Variants in PPP2R5A observed in about 807,000 individuals in gnomAD.
PPP2R5A encodes the protein protein phosphatase 2 regulatory subunit B'alpha, also known as serine/threonine-protein phosphatase 2A 56 kDa regulatory subunit alpha isoform.
A neutral mutation model predicts 64.2 loss-of-function variants in PPP2R5A; 25 were observed. The ratio of observed to expected loss-of-function variants is 0.39; its 90% CI spans 0.28 to 0.54. The LOEUF is 0.54. Among genes scored for constraint, PPP2R5A ranks in the 20% least tolerant of loss-of-function variants. PPP2R5A has a pLI of 0.67. For missense variants in PPP2R5A, 425 were observed against 576.3 expected (o/e 0.74, Z 2.69); for synonymous variants, 198 against 201.2 (o/e 0.98, Z 0.13).
intron 1 of PPP2R5A, among the ~76,000 whole-genome samples, chr1:212,320,728 A>G: frequency 2.2e-5 from 3 of 135,512 alleles, no homozygotes; most frequent in East Asian, 2.6e-4. Context: ...CTGGCCGGGC[A>G]GAGGGGCTCC....
chr1:212,287,118 C>T (rs1232792907), intron 1 of PPP2R5A, among the ~76,000 whole-genome samples: 1 of 152,154 alleles, frequency 6.6e-6, no homozygotes, highest in African/African-American at 2.4e-5. Flanking sequence ...TAATGCCTTG[C>T]AGGAGAACTT....
intron 1 of PPP2R5A, among the ~76,000 whole-genome samples, chr1:212,291,451 T>C (rs1043621486): frequency 1.3e-5 from 2 of 152,192 alleles, no homozygotes; most frequent in African/African-American, 4.8e-5. Flanking sequence ...CCCTAAGAGA[T>C]TGTAAATTAA....
chr1:212,322,232 GGGA>G (rs1451780903), intron 1 of PPP2R5A, among the ~76,000 whole-genome samples: 16 of 140,370 alleles, frequency 1.1e-4, no homozygotes, highest in Admixed American at 5.6e-4. Context: ...GAGAGGGAGA[GGGA>G]GAGGGAGAGG....
At position 212,360,909 on chromosome 1, in the gene PPP2R5A, T is replaced by C. The variant is rs1341121409; in HGVS notation, c.*139T>C. 2.0e-5 allele frequency: 15 copies of C among 736,364 alleles called. No homozygotes were observed. The highest frequency in any genetic ancestry group is 9.2e-5 in the African/African-American group (5 of 54,092). The allele number at this position is 736,364 out of a possible 1,614,324, so 45.6% of individuals were successfully genotyped here. ...TCTGGCAACTGTAAATGGAAAAATA[T>C]ATGGACTAAACGTAGCCCTGTGCTG... On this transcript the variant is annotated 3_prime_UTR_variant, in exon 13 of 13. Coordinates refer to ENST00000261461, the MANE Select transcript of PPP2R5A (RefSeq NM_006243.4).
intron 1 of PPP2R5A, among the ~76,000 whole-genome samples, chr1:212,316,481 A>G (rs1659154741): frequency 6.6e-6 from 1 of 151,790 alleles, no homozygotes. Flanking sequence ...TTGACTAGTT[A>G]CAGAGTTCTA....
intron 6 of PPP2R5A, 128 bp from the exon 7 acceptor site, chr1:212,348,261 G>A: frequency 1.5e-6 from 1 of 645,334 alleles, no homozygotes; most frequent in Non-Finnish European, 2.7e-6. Context: ...AAAGTAGTTT[G>A]AAGATGAGCA....
At chr1:212,320,801 C>T (rs1435168982) in intron 1 of PPP2R5A, among the ~76,000 whole-genome samples, 9 of 135,440 alleles carry the variant, frequency 6.6e-5, no homozygotes, top group African/African-American at 2.5e-4. Context: ...TGCGGCTGGC[C>T]GGGCGGGGGG....
intron 5 of PPP2R5A, among the ~76,000 whole-genome samples, chr1:212,346,683 T>G (rs565771059): frequency 6.6e-6 from 1 of 152,344 alleles, no homozygotes; most frequent in South Asian, 2.1e-4. Flanking sequence ...AAGTAGTTGC[T>G]TCAGATCAGG....
chr1:212,312,058 C>A (rs548258901), intron 1 of PPP2R5A, among the ~76,000 whole-genome samples: 2 of 152,294 alleles, frequency 1.3e-5, no homozygotes, highest in South Asian at 4.2e-4. Flanking sequence ...CTTGTAAGCT[C>A]TATTCATGTT....
At chr1:212,297,723 T>A (rs1658724358) in intron 1 of PPP2R5A, 1 of 152,190 alleles carries the variant, frequency 6.6e-6, no homozygotes, top group Non-Finnish European at 1.5e-5. Context: ...TGTCCTCTCA[T>A]TTTTAGGTAA....
intron 6 of PPP2R5A, 36 bp downstream of exon 6, chr1:212,347,442 G>T (rs1249999726): frequency 1.4e-6 from 2 of 1,436,062 alleles, no homozygotes; most frequent in African/African-American, 2.9e-5. Context: ...TAAGAATTAA[G>T]TAAGTGAATG....
At chr1:212,344,200 C>T (rs1433610827) in intron 4 of PPP2R5A, among the ~76,000 whole-genome samples, 1 of 152,212 alleles carries the variant, frequency 6.6e-6, no homozygotes, top group Non-Finnish European at 1.5e-5. Flanking sequence ...TATCAAATCC[C>T]TGACCTCAAG....
intron 1 of PPP2R5A, among the ~76,000 whole-genome samples, chr1:212,294,958 G>C (rs1658665509): frequency 6.6e-6 from 1 of 152,138 alleles, no homozygotes; most frequent in Non-Finnish European, 1.5e-5. Context: ...AAAGGTAATT[G>C]AGCATAGCAT....
chr1:212,313,689 A>C (rs1571585675), intron 1 of PPP2R5A: 1 of 151,800 alleles, frequency 6.6e-6, no homozygotes, highest in Non-Finnish European at 1.5e-5. Context: ...AAAAAAAAAA[A>C]CACCAACCGT....
In PPP2R5A at chr1:212,342,220, G is replaced by C; in HGVS notation, c.513G>C (p.Glu171Asp). 6.2e-7 allele frequency: 1 copy of C among 1,613,452 alleles called. No individual in the cohort carries two copies. Among genetic ancestry groups the C allele is most frequent in the East Asian group, 2.2e-5 (1 of 44,796 alleles). ...LVYEFFLRFL[E>D]SPDFQPSIAK... is the part of the protein sequence containing the mutation. ...ATGAATTCTTCTTGAGATTTTTGGA[G>C]AGCCCTGATTTCCAGCCTAGCATTG... is the stretch of plus-strand genomic sequence containing the variant. Residue 171 changes from glutamate (E) to aspartate (D), a missense_variant, in exon 4 of 13, where the codon GAG (glutamate) becomes GAC (aspartate). This residue lies in a region of PPP2R5A where 140 missense variants were observed against 204.4 expected (regional missense o/e 0.68). Coordinates refer to ENST00000261461, the MANE Select transcript of PPP2R5A (RefSeq NM_006243.4).
intron 1 of PPP2R5A, among the ~76,000 whole-genome samples, chr1:212,300,771 C>G (rs181506872): frequency 6.6e-6 from 1 of 151,844 alleles, no homozygotes; most frequent in African/African-American, 2.4e-5. Context: ...AAGTTTCTTA[C>G]GTTTAATGGA....
intron 1 of PPP2R5A, chr1:212,302,133 A>T: frequency 6.8e-7 from 1 of 1,463,306 alleles, no homozygotes; most frequent in Non-Finnish European, 9.2e-7. Flanking sequence ...TGGTATTTGA[A>T]ATCTTGAGGA....
chr1:212,333,002 A>T (rs960670006), intron 2 of PPP2R5A, among the ~76,000 whole-genome samples: 6 of 151,660 alleles, frequency 4.0e-5, no homozygotes, highest in African/African-American at 1.5e-4. Flanking sequence ...CCTGGGCTCA[A>T]GCGATTCTCC....
At chr1:212,311,254 G>T (rs1029102989) in intron 1 of PPP2R5A, among the ~76,000 whole-genome samples, 32 of 152,250 alleles carry the variant, frequency 2.1e-4, no homozygotes, top group Non-Finnish European at 1.6e-4. Context: ...GGATCACGAG[G>T]TCGGGAGATC....
Sources: gnomAD v4.1 joint callset for allele counts (sites outside exome capture counted in the v4.1 genomes callset) on GRCh38, gnomAD v4.1.1 for gene constraint, gnomAD v4.1.1 regional missense constraint, MANE v1.5 for transcripts, NCBI Gene and HGNC (gene_info 2026-07-23, HGNC 2026-07-21) for gene names.